Variants in VAV1 observed in about 807,000 individuals in gnomAD.
The protein encoded by VAV1 is proto-oncogene vav.
A neutral mutation model predicts 128.1 loss-of-function variants in VAV1; 33 were observed. The observed-to-expected ratio is 0.26, with a 90% CI of 0.20 to 0.34. The LOEUF is 0.34. VAV1 is among the 10% of genes least tolerant of loss of function. VAV1 has a pLI of 1.00. For missense variants in VAV1, 715 were observed against 1,093.7 expected, an observed-to-expected ratio of 0.65 and a Z score of 4.88; for synonymous variants, 394 against 409.8, an observed-to-expected ratio of 0.96 and a Z score of 0.47.
At chr19:6,817,910 T>A (rs1971692723) in intron 1 of VAV1, among the ~76,000 whole-genome samples, 2 of 152,104 alleles carry the variant, frequency 1.3e-5, no homozygotes, top group South Asian at 4.1e-4. Context: ...ATGGTCTCGA[T>A]CTCCTGACCT....
chr19:6,786,587 A>T (rs1221443869), intron 1 of VAV1, among the ~76,000 whole-genome samples: 3 of 152,160 alleles, frequency 2.0e-5, no homozygotes, highest in African/African-American at 7.2e-5. Context: ...GTTTGAGATC[A>T]GCCTGGGCAT....
chr19:6,850,611 G>T, intron 23 of VAV1, 59 bp from the exon 24 acceptor site: 1 of 1,558,954 alleles, frequency 6.4e-7, no homozygotes, highest in Non-Finnish European at 8.8e-7. Flanking sequence ...CATAACTGGG[G>T]CTTGGTGGGG....
At chr19:6,806,732 G>A (rs1461992389) in intron 1 of VAV1, among the ~76,000 whole-genome samples, 1 of 152,214 alleles carries the variant, frequency 6.6e-6, no homozygotes, top group African/African-American at 2.4e-5. Context: ...ATAGGCAAGG[G>A]GATGGGCCAT....
At chr19:6,829,598 G>A (rs953646590) in intron 13 of VAV1, among the ~76,000 whole-genome samples, 188 bp from the exon 14 acceptor site, 3 of 152,072 alleles carry the variant, frequency 2.0e-5, no homozygotes, top group Admixed American at 6.5e-5. Context: ...TGGGTGGAGC[G>A]AAGACTGACA....
chr19:6,784,297 G>A (rs1970836432), intron 1 of VAV1: 2 of 507,530 alleles, frequency 3.9e-6, no homozygotes, highest in East Asian at 3.1e-5. Context: ...TCAATGGGAT[G>A]TAGAATAAGA....
In VAV1 at chr19:6,848,141, C is replaced by T. The variant is rs768853046; in HGVS notation, c.2129+27C>T. The T allele has an allele frequency of 6.6e-6, 10 of 1,525,130 alleles. No individual in the cohort carries two copies. In the South Asian group the frequency reaches 9.0e-5, roughly 14 times the overall value. 94.5% of individuals were successfully genotyped at this position (1,525,130 alleles called of 1,614,324 possible). On this transcript the variant is annotated intron_variant, in intron 23 of 26. Transcript: ENST00000602142. ...TAACTCCTTTCTCCCTGACTCATAC[C>T]CTTTTGGGGCCTGGGCCCTGCGGGC... is the stretch of plus-strand genomic sequence containing the variant.
chr19:6,841,778 C>G (rs1252690737), intron 21 of VAV1, among the ~76,000 whole-genome samples: 4 of 151,982 alleles, frequency 2.6e-5, no homozygotes, highest in Non-Finnish European at 5.9e-5. Context: ...CCAGCACATA[C>G]TGTTTTTCAT....
At chr19:6,844,927 A>G (rs1024828941) in intron 22 of VAV1, among the ~76,000 whole-genome samples, 4 of 152,118 alleles carry the variant, frequency 2.6e-5, no homozygotes, top group African/African-American at 9.7e-5. Context: ...ACAGGATCCA[A>G]TAGAGCTGGG....
At chr19:6,856,254 G>T (rs184546903) in intron 26 of VAV1, among the ~76,000 whole-genome samples, 1 of 151,532 alleles carries the variant, frequency 6.6e-6, no homozygotes, top group Admixed American at 6.6e-5. Flanking sequence ...CTGAGATCGC[G>T]CCACTGCACT....
At chr19:6,803,836 A>T (rs1257737998) in intron 1 of VAV1, among the ~76,000 whole-genome samples, 1 of 152,178 alleles carries the variant, frequency 6.6e-6, no homozygotes, top group Admixed American at 6.5e-5. Context: ...AAGTGCTGAG[A>T]TTACAGGTGT....
chr19:6,819,757 G>A (rs1971742900), intron 1 of VAV1, among the ~76,000 whole-genome samples: 1 of 152,182 alleles, frequency 6.6e-6, no homozygotes, highest in Non-Finnish European at 1.5e-5. Context: ...GGAAGCTGGT[G>A]GATGGAAGGC....
At chr19:6,810,117 T>C (rs946946096) in intron 1 of VAV1, among the ~76,000 whole-genome samples, 2 of 152,092 alleles carry the variant, frequency 1.3e-5, no homozygotes, top group African/African-American at 4.8e-5. Flanking sequence ...AGGTGGAGGC[T>C]GCAGTGAGCT....
chr19:6,847,398 A>G (rs184618886), intron 22 of VAV1, among the ~76,000 whole-genome samples: 228 of 152,126 alleles, frequency 1.5e-3, no homozygotes, highest in African/African-American at 5.2e-3. Flanking sequence ...TATGAATGGA[A>G]ATCACACAGT....
intron 1 of VAV1, among the ~76,000 whole-genome samples, chr19:6,805,873 A>C (rs1349060246): frequency 3.3e-5 from 5 of 152,064 alleles, no homozygotes; most frequent in African/African-American, 1.2e-4. Context: ...AAGGAAGATC[A>C]GCCTGGAGTC....
chr19:6,847,270 C>T (rs113698035), intron 22 of VAV1, among the ~76,000 whole-genome samples: 4 of 152,288 alleles, frequency 2.6e-5, no homozygotes, highest in Admixed American at 6.5e-5. Context: ...AGCTCCAAAA[C>T]ATTCTCAGCA....
At chr19:6,806,915 G>T (rs1971408673) in intron 1 of VAV1, among the ~76,000 whole-genome samples, 1 of 152,218 alleles carries the variant, frequency 6.6e-6, no homozygotes, top group African/African-American at 2.4e-5. Context: ...TGGTTGATAA[G>T]AACTTGTTTC....
chr19:6,837,079 G>A (rs1392685731), intron 21 of VAV1, 29 bp downstream of exon 21: 1 of 1,612,066 alleles, frequency 6.2e-7, no homozygotes, highest in Non-Finnish European at 8.5e-7. Context: ...AATGGAATAA[G>A]GGCAAGGGGT....
At chr19:6,855,332 G>A (rs1972764198) in intron 26 of VAV1, among the ~76,000 whole-genome samples, 1 of 152,200 alleles carries the variant, frequency 6.6e-6, no homozygotes, top group Non-Finnish European at 1.5e-5. Context: ...TAGGCTTTGA[G>A]AGAGGCTTTT....
At position 6,820,900 on chromosome 19, in the gene VAV1, A is replaced by C. The variant is rs1248245969; in HGVS notation, c.321+82A>C. The C allele has an allele frequency of 2.2e-6, 3 of 1,359,530 alleles. No individual in the cohort carries two copies. Among genetic ancestry groups the C allele is most frequent in the East Asian group, 4.6e-5 (2 of 43,474 alleles). The allele number at this position is 1,359,530 out of a possible 1,614,324, so 84.2% of individuals were successfully genotyped here. On this transcript the variant is annotated intron_variant, in intron 2 of 26. Coordinates refer to ENST00000602142, the MANE Select transcript of VAV1 (RefSeq NM_005428.4). This position sits in a 1 kb window ranked among gnomAD's most constrained non-coding sequence, Gnocchi z 4.4. ...TACACTGGGCAAGCTAAGGACTGTCAGGGGACAGGCAGACAAGCCAGACCA... is the reference window on the plus strand; with the variant it reads ...TACACTGGGCAAGCTAAGGACTGTCCGGGGACAGGCAGACAAGCCAGACCA...
Sources: allele counts gnomAD v4.1 joint callset (sites outside exome capture counted in the v4.1 genomes callset), GRCh38; gene constraint gnomAD v4.1.1; non-coding constraint Gnocchi (gnomAD v3.1); transcripts MANE v1.5; gene names NCBI Gene and HGNC (gene_info 2026-07-23, HGNC 2026-07-21).